The following LRRC4C variants were observed in gnomAD, a reference collection of about 807,000 sequenced individuals.
LRRC4C encodes the protein leucine-rich repeat-containing protein 4C.
A neutral mutation model predicts 33.6 loss-of-function variants in LRRC4C; 5 were observed. That is an observed-to-expected ratio of 0.15 (90% CI 0.08 to 0.31). The LOEUF (loss-of-function observed/expected upper bound fraction) is 0.31, where lower values mean the gene tolerates loss of function less well. LRRC4C is among the 10% of genes least tolerant of loss of function. The pLI, the probability that LRRC4C is intolerant of heterozygous loss-of-function variation, is 1.00. For missense variants in LRRC4C, 560 were observed against 796.7 expected (o/e 0.70, Z 3.58); for synonymous variants, 329 against 302.0 (o/e 1.09, Z -0.93).
intron 4 of LRRC4C, among the ~76,000 whole-genome samples, chr11:40,284,033 A>G (rs1260130736): frequency 1.3e-5 from 2 of 152,194 alleles, no homozygotes; most frequent in East Asian, 1.9e-4. Flanking sequence ...AGAAGCCACA[A>G]TTTACTGGGT....
At chr11:40,417,858 C>T (rs141787156) in intron 3 of LRRC4C, among the ~76,000 whole-genome samples, 41 of 152,238 alleles carry the variant, frequency 2.7e-4, no homozygotes, top group African/African-American at 5.8e-4. Flanking sequence ...TTATCTGCTA[C>T]GCAAAAATGG....
intron 3 of LRRC4C, among the ~76,000 whole-genome samples, chr11:40,396,386 C>G (rs1949542311): frequency 1.3e-5 from 2 of 152,062 alleles, no homozygotes; most frequent in South Asian, 4.1e-4. Context: ...AATACTACCG[C>G]TCCTCTGGGG....
At chr11:41,286,298 C>T (rs145597113) in intron 1 of LRRC4C, among the ~76,000 whole-genome samples, 4 of 152,218 alleles carry the variant, frequency 2.6e-5, no homozygotes, top group African/African-American at 7.2e-5. Flanking sequence ...TATTCTTTAA[C>T]GTTATACAGG....
intron 4 of LRRC4C, among the ~76,000 whole-genome samples, chr11:40,280,530 T>A (rs564185945): frequency 6.6e-6 from 1 of 152,206 alleles, no homozygotes; most frequent in East Asian, 1.9e-4. Context: ...CATCTTCCCT[T>A]GGCAGGAAAG....
intron 2 of LRRC4C, among the ~76,000 whole-genome samples, chr11:40,717,866 C>T (rs1453556900): frequency 1.3e-5 from 2 of 152,072 alleles, no homozygotes; most frequent in African/African-American, 2.4e-5. Flanking sequence ...AAGATATGTT[C>T]TATATTTCTG....
intron 3 of LRRC4C, among the ~76,000 whole-genome samples, chr11:40,481,285 G>A (rs1054446837): frequency 6.6e-6 from 1 of 151,836 alleles, no homozygotes; most frequent in African/African-American, 2.4e-5. Flanking sequence ...CTCTCAGTGT[G>A]GCATTCAACA....
At chr11:41,074,674 T>G (rs898520612) in intron 1 of LRRC4C, among the ~76,000 whole-genome samples, 1 of 152,186 alleles carries the variant, frequency 6.6e-6, no homozygotes, top group African/African-American at 2.4e-5. Flanking sequence ...TTTAAGTCTT[T>G]TCTGACTTAC....
chr11:41,259,784 T>G (rs970104488), intron 1 of LRRC4C, among the ~76,000 whole-genome samples: 1 of 152,088 alleles, frequency 6.6e-6, no homozygotes, highest in Non-Finnish European at 1.5e-5. Flanking sequence ...AACTTCACTC[T>G]TCTTGCAAAG....
intron 2 of LRRC4C, among the ~76,000 whole-genome samples, chr11:40,697,452 G>C (rs1945624812): frequency 6.6e-6 from 1 of 152,096 alleles, no homozygotes; most frequent in Admixed American, 6.6e-5. Context: ...TTCTTTTTAT[G>C]AAAGGAATAA....
At chr11:41,088,114 ACTC>A (rs369384470) in intron 1 of LRRC4C, among the ~76,000 whole-genome samples, 64 of 152,128 alleles carry the variant, frequency 4.2e-4, no homozygotes, top group African/African-American at 1.4e-3. Context: ...CCTTTTGAAA[ACTC>A]CTAATGAAGC....
At chr11:40,566,443 A>G (rs1331063322) in intron 3 of LRRC4C, among the ~76,000 whole-genome samples, 1 of 152,100 alleles carries the variant, frequency 6.6e-6, no homozygotes, top group African/African-American at 2.4e-5. Context: ...ATAATGTCAT[A>G]TAATCTTTAA....
intron 1 of LRRC4C, among the ~76,000 whole-genome samples, chr11:41,304,817 T>TGG (rs1950429751): frequency 1.3e-5 from 1 of 79,540 alleles, no homozygotes; most frequent in African/African-American, 5.9e-5. Flanking sequence ...GGGAGGGAGG[T>TGG]GGGGGGGTCA....
At chr11:40,723,936 T>G (rs1947157782) in intron 2 of LRRC4C, among the ~76,000 whole-genome samples, 1 of 151,304 alleles carries the variant, frequency 6.6e-6, no homozygotes, top group Non-Finnish European at 1.5e-5. Flanking sequence ...AAATGGAAAA[T>G]TTTTAAAAAG....
At chr11:40,799,539 G>A (rs550037242) in intron 2 of LRRC4C, among the ~76,000 whole-genome samples, 1 of 152,278 alleles carries the variant, frequency 6.6e-6, no homozygotes, top group East Asian at 1.9e-4. Flanking sequence ...CTGTCACCCA[G>A]GCTGGAGTGT....
chr11:41,207,616 T>C (rs1484719633), intron 1 of LRRC4C, among the ~76,000 whole-genome samples: 2 of 152,064 alleles, frequency 1.3e-5, no homozygotes, highest in Non-Finnish European at 2.9e-5. Context: ...TCCCTCTCTT[T>C]TTCCCTCTCC....
At chr11:40,704,257 A>G (rs922490287) in intron 2 of LRRC4C, among the ~76,000 whole-genome samples, 4 of 152,178 alleles carry the variant, frequency 2.6e-5, no homozygotes, top group African/African-American at 7.2e-5. Flanking sequence ...TCATTTTCAT[A>G]TCAGAGAAGG....
intron 1 of LRRC4C, among the ~76,000 whole-genome samples, chr11:41,280,163 C>T (rs1466760091): frequency 1.3e-5 from 2 of 152,218 alleles, no homozygotes; most frequent in East Asian, 3.9e-4. Context: ...GAACATAATG[C>T]TTATTTGTTG....
intron 2 of LRRC4C, among the ~76,000 whole-genome samples, chr11:40,914,140 C>T (rs1956831026): frequency 6.6e-6 from 1 of 152,152 alleles, no homozygotes; most frequent in South Asian, 2.1e-4. Context: ...TGGTACCATT[C>T]CTTCTGATAC....
intron 1 of LRRC4C, among the ~76,000 whole-genome samples, chr11:41,374,904 T>C (rs1344438622): frequency 6.6e-6 from 1 of 152,078 alleles, no homozygotes; most frequent in Non-Finnish European, 1.5e-5. Context: ...GGTGGGCAGA[T>C]TGCTTGAGCC....
Sources: gnomAD v4.1 joint callset for allele counts (sites outside exome capture counted in the v4.1 genomes callset) on GRCh38, gnomAD v4.1.1 for gene constraint, MANE v1.5 for transcripts, NCBI Gene and HGNC (gene_info 2026-07-23, HGNC 2026-07-21) for gene names.